Variants in UBR3 observed in about 807,000 individuals in gnomAD.
The protein encoded by UBR3 is ubiquitin protein ligase E3 component n-recognin 3.
A neutral mutation model predicts 243.2 loss-of-function variants in UBR3; 85 were observed. The ratio of observed to expected loss-of-function variants is 0.35; its 90% CI spans 0.29 to 0.42. The LOEUF is 0.42. Ranked by LOEUF, UBR3 falls within the 10% of genes least tolerant of loss-of-function variation. The pLI is 1.00. For missense variants in UBR3, 1,686 were observed against 2,300.8 expected (o/e 0.73, Z 5.47); for synonymous variants, 748 against 799.8 (o/e 0.94, Z 1.09).
At chr2:169,980,926 TACTCAAAAACAAACAACCCCC>T (rs1340913458) in intron 24 of UBR3, among the ~76,000 whole-genome samples, 18 of 151,218 alleles carry the variant, frequency 1.2e-4, no homozygotes, top group Admixed American at 1.1e-3. Flanking sequence ...AGTAGAGGGG[TACTCAAAAACAAACAACCCCC>T]ACCCCCTCTA....
intron 23 of UBR3, among the ~76,000 whole-genome samples, chr2:169,957,043 A>G (rs529921667): frequency 4.6e-5 from 7 of 152,298 alleles, no homozygotes; most frequent in Middle Eastern, 6.8e-3. Context: ...GTAAAAATTT[A>G]TCTCTTCCGT....
intron 4 of UBR3, among the ~76,000 whole-genome samples, chr2:169,878,087 C>T (rs1250182346): frequency 2.6e-5 from 4 of 152,128 alleles, no homozygotes; most frequent in Non-Finnish European, 5.9e-5. Flanking sequence ...AGGCTGGGCA[C>T]GGAGGCTTAT....
At chr2:170,030,218 A>G (rs988258706) in intron 31 of UBR3, among the ~76,000 whole-genome samples, 1 of 152,094 alleles carries the variant, frequency 6.6e-6, no homozygotes, top group Admixed American at 6.6e-5. Context: ...GTAGTCTTTC[A>G]TCATATCCTC....
intron 11 of UBR3, among the ~76,000 whole-genome samples, chr2:169,917,284 G>A (rs564040384): frequency 2.2e-4 from 33 of 152,258 alleles, no homozygotes; most frequent in Non-Finnish European, 4.3e-4. Context: ...CAGCCTTCAC[G>A]GAGCACCATC....
intron 1 of UBR3, among the ~76,000 whole-genome samples, chr2:169,842,684 C>T (rs1262655702): frequency 2.6e-5 from 4 of 152,134 alleles, no homozygotes; most frequent in African/African-American, 9.7e-5. Context: ...TGTAGCTTCA[C>T]TCCTGAGCCA....
intron 30 of UBR3, among the ~76,000 whole-genome samples, chr2:170,023,383 C>A (rs367664091): frequency 6.6e-6 from 1 of 150,712 alleles, no homozygotes; most frequent in Non-Finnish European, 1.5e-5. Flanking sequence ...AACAGTGGTA[C>A]GATTTAAGAT....
intron 35 of UBR3, among the ~76,000 whole-genome samples, chr2:170,064,685 T>C (rs2091518588): frequency 6.6e-6 from 1 of 151,998 alleles, no homozygotes; most frequent in African/African-American, 2.4e-5. Context: ...TTATATACTA[T>C]TAAGCTATTT....
At chr2:170,019,853 G>A (rs1471943874) in intron 30 of UBR3, among the ~76,000 whole-genome samples, 1 of 152,106 alleles carries the variant, frequency 6.6e-6, no homozygotes, top group East Asian at 1.9e-4. Context: ...ATAGTTCACT[G>A]CAGCCTCGAA....
intron 1 of UBR3, among the ~76,000 whole-genome samples, chr2:169,867,338 A>G (rs2083294289): frequency 6.6e-6 from 1 of 152,184 alleles, no homozygotes; most frequent in Non-Finnish European, 1.5e-5. Flanking sequence ...TTTATCTTAG[A>G]TATAATTATA....
rs755054843 is a variant in UBR3, at chr2:169,827,616, G to A, written c.109G>A (p.Ala37Thr). 1 of 1,268,260 alleles carries A rather than the reference G, an allele frequency of 7.9e-7. No homozygotes were observed. Among genetic ancestry groups the A allele is most frequent in the South Asian group, 2.9e-5 (1 of 34,264 alleles). 78.6% of individuals were successfully genotyped at this position (1,268,260 alleles called of 1,614,324 possible). A position where few individuals can be genotyped will look rare whatever the true frequency, so the allele number is the denominator to read the frequency against. Residue 37 changes from alanine to threonine, a missense_variant, in exon 1 of 39, where the codon GCG becomes ACG. Coordinates refer to ENST00000272793, the MANE Select transcript of UBR3 (RefSeq NM_172070.4). ...DKAATAAHLK[A>T]ALSRPDNRAG... The stretch of plus-strand genomic sequence containing the variant: ...GGCGGCCACCGCCGCGCACCTCAAG[G>A]CGGCCCTCAGCCGGCCGGACAACCG...
intron 5 of UBR3, among the ~76,000 whole-genome samples, chr2:169,883,769 C>G (rs910734063): frequency 6.6e-6 from 1 of 152,108 alleles, no homozygotes; most frequent in Non-Finnish European, 1.5e-5. Flanking sequence ...AAAATCAAAG[C>G]TTTCCTTAAG....
intron 11 of UBR3, among the ~76,000 whole-genome samples, chr2:169,918,209 G>A (rs6750479): frequency 6.6e-6 from 1 of 151,794 alleles, no homozygotes; most frequent in Non-Finnish European, 1.5e-5. Flanking sequence ...GAGCTTTAAC[G>A]TAGGCAGATC....
intron 24 of UBR3, among the ~76,000 whole-genome samples, chr2:169,969,937 C>CTTTTTTTT (rs34413545): frequency 1.1e-5 from 1 of 89,774 alleles, no homozygotes; most frequent in Non-Finnish European, 2.2e-5. Flanking sequence ...ATGCCTCCAG[C>CTTTTTTTT]TTTTTTTTTT....
At chr2:170,023,474 A>C (rs192731084) in intron 30 of UBR3, among the ~76,000 whole-genome samples, 6 of 151,776 alleles carry the variant, frequency 4.0e-5, no homozygotes, top group Admixed American at 3.9e-4. Context: ...CAGTGGTAAC[A>C]TGTCGGCTCA....
At chr2:169,851,135 T>C (rs2105292884) in intron 1 of UBR3, among the ~76,000 whole-genome samples, 1 of 152,334 alleles carries the variant, frequency 6.6e-6, no homozygotes, top group African/African-American at 2.4e-5. Flanking sequence ...TCTTCTTCTT[T>C]TTTTTCTGAG....
intron 23 of UBR3, among the ~76,000 whole-genome samples, chr2:169,957,467 A>G (rs2087357116): frequency 6.6e-6 from 1 of 151,294 alleles, no homozygotes; most frequent in Non-Finnish European, 1.5e-5. Context: ...CAAAGACAAA[A>G]AACCAAACAC....
At position 169,852,867 on chromosome 2, in the gene UBR3, A is replaced by C. The variant is rs1352438915; in HGVS notation, c.546-19369A>C. Reference sequence around the variant, plus strand: ...CTTCATCTCAAAAAAAAAAAAAAAAAAAAAAAAAAAACAAAACCAAACAAA... The same window carrying C: ...CTTCATCTCAAAAAAAAAAAAAAAACAAAAAAAAAAACAAAACCAAACAAA... On this transcript the variant is annotated intron_variant, in intron 1 of 38. Coordinates refer to ENST00000272793, the MANE Select transcript of UBR3 (RefSeq NM_172070.4). Among the ~76,000 whole-genome samples the C allele has an allele frequency of 4.8e-5, 7 of 145,610 alleles. 1 individual carries two copies. The highest frequency in any genetic ancestry group is 7.4e-5 in the African/African-American group (3 of 40,754).
At chr2:170,059,501 G>A (rs769973949) in intron 33 of UBR3, among the ~76,000 whole-genome samples, 15 of 152,144 alleles carry the variant, frequency 9.9e-5, no homozygotes, top group African/African-American at 3.6e-4. Context: ...TTGAGTTTAG[G>A]TGAACTCTGC....
chr2:169,989,704 G>T (rs1008843238), intron 25 of UBR3, among the ~76,000 whole-genome samples: 1 of 152,080 alleles, frequency 6.6e-6, no homozygotes, highest in African/African-American at 2.4e-5. Context: ...TTATTTACAG[G>T]TGCTCAAAAT....
Sources: allele counts gnomAD v4.1 joint callset (sites outside exome capture counted in the v4.1 genomes callset), GRCh38; gene constraint gnomAD v4.1.1; transcripts MANE v1.5; gene names NCBI Gene and HGNC (gene_info 2026-07-23, HGNC 2026-07-21).